Variants in ITPR2 observed in about 807,000 individuals in gnomAD.
The protein encoded by ITPR2 is inositol 1,4,5-trisphosphate receptor type 2.
In ITPR2, 207 loss-of-function variants were observed where a neutral mutation model predicts 317.1. The observed-to-expected ratio is 0.65, with a 90% CI of 0.58 to 0.73. The LOEUF is 0.73. ITPR2 is among the 30% of genes least tolerant of loss of function. ITPR2 has a pLI of 0.00. For missense variants in ITPR2, 2,613 were observed against 3,284.0 expected, an observed-to-expected ratio of 0.80 and a Z score of 4.99; for synonymous variants, 1,156 against 1,149.1, an observed-to-expected ratio of 1.01 and a Z score of -0.12.
intron 52 of ITPR2, among the ~76,000 whole-genome samples, chr12:26,401,297 T>C (rs960466420): frequency 2.6e-5 from 4 of 152,084 alleles, no homozygotes; most frequent in Non-Finnish European, 2.9e-5. Flanking sequence ...ATACACACAA[T>C]AGTTGCTTAA....
At chr12:26,430,977 G>C (rs1685704) in intron 48 of ITPR2, among the ~76,000 whole-genome samples, 2 of 152,042 alleles carry the variant, frequency 1.3e-5, no homozygotes, top group African/African-American at 4.8e-5. Context: ...ATCCCTGGGT[G>C]GTCTTTACTA....
intron 39 of ITPR2, among the ~76,000 whole-genome samples, chr12:26,487,762 TAC>T (rs1415863610): frequency 1.3e-5 from 2 of 152,186 alleles, no homozygotes. Context: ...TATGGAAAGT[TAC>T]AAAGGACTAT....
intron 5 of ITPR2, among the ~76,000 whole-genome samples, chr12:26,721,603 G>A (rs1177231270): frequency 6.6e-6 from 1 of 152,014 alleles, no homozygotes; most frequent in Admixed American, 6.6e-5. Context: ...AGCATTTCCT[G>A]AGCATCGTCC....
intron 28 of ITPR2, among the ~76,000 whole-genome samples, chr12:26,601,204 G>A (rs775122533): frequency 1.8e-4 from 28 of 152,088 alleles, no homozygotes; most frequent in Admixed American, 3.3e-4. Context: ...GCATTGTTAC[G>A]AATTCAGATG....
intron 39 of ITPR2, among the ~76,000 whole-genome samples, chr12:26,492,554 T>C (rs1942831840): frequency 1.3e-5 from 2 of 152,204 alleles, no homozygotes; most frequent in African/African-American, 4.8e-5. Flanking sequence ...AAAGTCCCAA[T>C]TGACAGAACT....
At chr12:26,610,059 A>C (rs550039423) in intron 26 of ITPR2, among the ~76,000 whole-genome samples, 1 of 152,356 alleles carries the variant, frequency 6.6e-6, no homozygotes, top group African/African-American at 2.4e-5. Flanking sequence ...TAAAAGGAAA[A>C]TTCAGAAAAG....
chr12:26,578,235 C>T (rs1945320421), intron 34 of ITPR2, among the ~76,000 whole-genome samples: 1 of 151,284 alleles, frequency 6.6e-6, no homozygotes, highest in South Asian at 2.1e-4. Context: ...CTATGAGAAA[C>T]TCTTCTAGAA....
chr12:26,395,863 A>G (rs1939982209), intron 54 of ITPR2, among the ~76,000 whole-genome samples: 1 of 152,188 alleles, frequency 6.6e-6, no homozygotes, highest in Admixed American at 6.5e-5. Flanking sequence ...TCTGCTTACT[A>G]ACTGGATGTT....
At chr12:26,660,354 C>T (rs542314912) in intron 15 of ITPR2, among the ~76,000 whole-genome samples, 5 of 152,294 alleles carry the variant, frequency 3.3e-5, no homozygotes, top group Non-Finnish European at 5.9e-5. Flanking sequence ...TCCTATATCC[C>T]AAACCACTAT....
intron 4 of ITPR2, among the ~76,000 whole-genome samples, chr12:26,722,986 C>T (rs1948862888): frequency 6.6e-6 from 1 of 152,138 alleles, no homozygotes; most frequent in South Asian, 2.1e-4. Flanking sequence ...TTAACCAGCC[C>T]TGCCCACAGT....
chr12:26,487,292 A>C, intron 39 of ITPR2, 41 bp from the exon 40 acceptor site: 1 of 1,445,054 alleles, frequency 6.9e-7, no homozygotes, highest in Non-Finnish European at 9.4e-7. Context: ...ACCCAAGGGG[A>C]GACAAATGGT....
chr12:26,590,970 C>T (rs183472205), intron 32 of ITPR2, among the ~76,000 whole-genome samples: 1 of 150,224 alleles, frequency 6.7e-6, no homozygotes, highest in East Asian at 2.0e-4. Flanking sequence ...GTCCCAGCTA[C>T]TCGGGAGGCT....
intron 37 of ITPR2, among the ~76,000 whole-genome samples, chr12:26,505,274 C>A (rs1193172675): frequency 6.6e-6 from 1 of 152,136 alleles, no homozygotes; most frequent in African/African-American, 2.4e-5. Flanking sequence ...AAATCCATAG[C>A]ATTACTTTAG....
chr12:26,507,861 CTCTG>C lies in ITPR2; in HGVS notation c.5074-12605_5074-12602del, dbSNP rs1591839650. Among the ~76,000 whole-genome samples, 377 of 120,450 alleles carry C rather than the reference CTCTG, an allele frequency of 3.1e-3. 1 individual carries two copies. Among genetic ancestry groups the C allele is most frequent in the Middle Eastern group, 9.6e-3 (2 of 208 alleles). 79.0% of individuals were successfully genotyped at this position (120,450 alleles called of 152,430 possible). On this transcript the variant is annotated intron_variant, in intron 37 of 56. Transcript: ENST00000381340. ...TATCTCTCTACTCTTCTCTCTCTGT[CTCTG>C]TGTGTGTGTGTGTGTGTGTGTGTGT... is the stretch of plus-strand genomic sequence containing the variant.
At chr12:26,551,818 C>T (rs1032820407) in intron 36 of ITPR2, among the ~76,000 whole-genome samples, 9 of 152,214 alleles carry the variant, frequency 5.9e-5, no homozygotes, top group African/African-American at 2.2e-4. Flanking sequence ...AGCATGACAA[C>T]TGCCCGCTGA....
At chr12:26,488,580 C>T (rs17395011) in intron 39 of ITPR2, among the ~76,000 whole-genome samples, 15,214 of 152,144 alleles carry the variant, frequency 0.1, 1,018 homozygotes, top group Non-Finnish European at 0.15. Flanking sequence ...GGCAAGCAAC[C>T]CTCAAGAAAG....
At chr12:26,342,669 G>T (rs1254393032) in intron 55 of ITPR2, among the ~76,000 whole-genome samples, 1 of 152,018 alleles carries the variant, frequency 6.6e-6, no homozygotes, top group Admixed American at 6.5e-5. Flanking sequence ...AAGTGCAATG[G>T]CACAATCTCA....
intron 1 of ITPR2, among the ~76,000 whole-genome samples, chr12:26,810,057 C>A (rs1277828590): frequency 6.6e-6 from 1 of 152,206 alleles, no homozygotes; most frequent in East Asian, 1.9e-4. Context: ...GCATCTCCTG[C>A]CAGGGGAAGT....
chr12:26,796,675 T>C (rs546045267), intron 1 of ITPR2, among the ~76,000 whole-genome samples: 1 of 152,280 alleles, frequency 6.6e-6, no homozygotes, highest in South Asian at 2.1e-4. Flanking sequence ...ACGGCAAAAC[T>C]GTTTATGATA....
Sources: gnomAD v4.1 joint callset for allele counts (sites outside exome capture counted in the v4.1 genomes callset) on GRCh38, gnomAD v4.1.1 for gene constraint, MANE v1.5 for transcripts, NCBI Gene and HGNC (gene_info 2026-07-23, HGNC 2026-07-21) for gene names.